Variants in PTPRK observed in about 807,000 individuals in gnomAD.
PTPRK encodes the protein protein tyrosine phosphatase receptor type K, also known as receptor-type tyrosine-protein phosphatase kappa.
A neutral mutation model predicts 178.0 loss-of-function variants in PTPRK; 75 were observed. The observed-to-expected ratio is 0.42, with a 90% confidence interval of 0.35 to 0.51. The LOEUF (loss-of-function observed/expected upper bound fraction) is 0.51. PTPRK is among the 20% of genes least tolerant of loss of function. PTPRK has a pLI of 0.02. For missense variants in PTPRK, 1,441 were observed against 1,797.8 expected (o/e 0.80, Z 3.59); for synonymous variants, 637 against 620.6 (o/e 1.03, Z -0.39).
intron 3 of PTPRK, among the ~76,000 whole-genome samples, chr6:128,267,141 A>G (rs1819086381): frequency 6.6e-6 from 1 of 152,088 alleles, no homozygotes. Context: ...GGTGTGCATC[A>G]GTGATGAGTC....
chr6:128,244,653 A>G (rs1342947302), intron 3 of PTPRK, among the ~76,000 whole-genome samples: 2 of 152,178 alleles, frequency 1.3e-5, no homozygotes, highest in Admixed American at 1.3e-4. Flanking sequence ...TTATCTAATA[A>G]TCTCCAGCCA....
chr6:128,474,748 G>A (rs1335084489), intron 1 of PTPRK, among the ~76,000 whole-genome samples: 3 of 152,044 alleles, frequency 2.0e-5, no homozygotes, highest in Non-Finnish European at 2.9e-5. Flanking sequence ...AACAGCACAA[G>A]GGCAGGAAAA....
chr6:128,218,710 T>C (rs1809817021), intron 6 of PTPRK, among the ~76,000 whole-genome samples: 1 of 152,236 alleles, frequency 6.6e-6, no homozygotes, highest in Non-Finnish European at 1.5e-5. Flanking sequence ...TTTCTTTCAA[T>C]GGCAAACACT....
chr6:128,245,320 T>C (rs1258846955), intron 3 of PTPRK, among the ~76,000 whole-genome samples: 1 of 152,188 alleles, frequency 6.6e-6, no homozygotes, highest in African/African-American at 2.4e-5. Context: ...AAATTTCCTT[T>C]AAAAGTCTAA....
chr6:128,339,813 G>A (rs1445107155), intron 2 of PTPRK, among the ~76,000 whole-genome samples: 1 of 152,122 alleles, frequency 6.6e-6, no homozygotes, highest in Admixed American at 6.5e-5. Context: ...GACTTATTTA[G>A]ACTTAGAAAA....
intron 3 of PTPRK, among the ~76,000 whole-genome samples, chr6:128,309,137 T>C (rs1826873519): frequency 6.6e-6 from 1 of 152,150 alleles, no homozygotes; most frequent in African/African-American, 2.4e-5. Flanking sequence ...ATTTAATATT[T>C]TTCATTCTTT....
At chr6:128,510,137 A>G (rs1297997256) in intron 1 of PTPRK, among the ~76,000 whole-genome samples, 1 of 152,184 alleles carries the variant, frequency 6.6e-6, no homozygotes, top group Non-Finnish European at 1.5e-5. Flanking sequence ...TGATGAAGTC[A>G]GTAAACCTTC....
chr6:128,107,846 C>T (rs908854298), intron 7 of PTPRK, among the ~76,000 whole-genome samples: 4 of 152,080 alleles, frequency 2.6e-5, no homozygotes, highest in Non-Finnish European at 5.9e-5. Flanking sequence ...TGAGATGGCA[C>T]CTCCTGATGA....
At chr6:128,137,948 A>T (rs1795245635) in intron 7 of PTPRK, among the ~76,000 whole-genome samples, 1 of 152,144 alleles carries the variant, frequency 6.6e-6, no homozygotes, top group African/African-American at 2.4e-5. Context: ...ATCCCACATC[A>T]GGTATTTTTC....
intron 3 of PTPRK, among the ~76,000 whole-genome samples, chr6:128,294,567 T>C (rs1823946396): frequency 6.6e-6 from 1 of 152,074 alleles, no homozygotes; most frequent in South Asian, 2.1e-4. Context: ...AAATTTTTAT[T>C]AAGTTAATTT....
chr6:128,182,971 A>T (rs963817574), intron 7 of PTPRK, among the ~76,000 whole-genome samples: 16 of 152,220 alleles, frequency 1.1e-4, no homozygotes, highest in Non-Finnish European at 1.8e-4. Context: ...CAGGAAGTCA[A>T]GAGGGAAATC....
chr6:128,321,878 G>C (rs562963828), intron 3 of PTPRK, 161 bp downstream of exon 3: 2 of 873,746 alleles, frequency 2.3e-6, no homozygotes, highest in African/African-American at 1.7e-5. Flanking sequence ...ACCATGGGAT[G>C]CATATGTATA....
intron 2 of PTPRK, among the ~76,000 whole-genome samples, chr6:128,330,820 A>G (rs1436876334): frequency 6.6e-6 from 1 of 151,888 alleles, no homozygotes; most frequent in East Asian, 1.9e-4. Context: ...CTTACACAAG[A>G]TGTTTCAGAT....
At chr6:128,068,359 C>T (rs543422551) in intron 11 of PTPRK, among the ~76,000 whole-genome samples, 6 of 152,100 alleles carry the variant, frequency 3.9e-5, no homozygotes, top group Non-Finnish European at 5.9e-5. Context: ...AAGTGACATG[C>T]GGCAATACGG....
At chr6:128,280,830 A>T (rs143595854) in intron 3 of PTPRK, among the ~76,000 whole-genome samples, 2 of 152,324 alleles carry the variant, frequency 1.3e-5, no homozygotes, top group East Asian at 3.9e-4. Flanking sequence ...AAAATCTGGA[A>T]AATGCTAATA....
At chr6:128,377,031 AT>A (rs1237550910) in intron 2 of PTPRK, among the ~76,000 whole-genome samples, 6 of 151,802 alleles carry the variant, frequency 4.0e-5, no homozygotes, top group Non-Finnish European at 8.8e-5. Context: ...ACTTTCCCAT[AT>A]TTTCCTGTCT....
chr6:127,983,034 G>A (rs2114635243), intron 23 of PTPRK, 54 bp from the exon 24 acceptor site: 2 of 1,522,876 alleles, frequency 1.3e-6, no homozygotes, highest in South Asian at 2.4e-5. Context: ...TCACTTTTCT[G>A]TCATCAAAGT....
chr6:128,205,257 G>T (rs1806714156), intron 6 of PTPRK, among the ~76,000 whole-genome samples: 1 of 152,098 alleles, frequency 6.6e-6, no homozygotes, highest in African/African-American at 2.4e-5. Flanking sequence ...ACTGGGGCCT[G>T]TTGGATGGAA....
At chr6:128,214,036 T>C (rs1005156392) in intron 6 of PTPRK, among the ~76,000 whole-genome samples, 1 of 152,134 alleles carries the variant, frequency 6.6e-6, no homozygotes, top group Non-Finnish European at 1.5e-5. Context: ...TCCTCTGATT[T>C]CAACTAAACA....
Sources: gnomAD v4.1 joint callset for allele counts (sites outside exome capture counted in the v4.1 genomes callset) on GRCh38, gnomAD v4.1.1 for gene constraint, MANE v1.5 for transcripts, NCBI Gene and HGNC (gene_info 2026-07-23, HGNC 2026-07-21) for gene names.